DAB2IP: variants seen among roughly 807,000 people sequenced by gnomAD.
DAB2IP encodes DAB2 interacting protein, also known as disabled homolog 2-interacting protein.
Under a neutral mutation model 107.2 loss-of-function variants are expected in DAB2IP, and 28 were observed. The ratio of observed to expected loss-of-function variants is 0.26; its 90% CI spans 0.19 to 0.36. The LOEUF (loss-of-function observed/expected upper bound fraction) is 0.36, where lower values mean the gene tolerates loss of function less well. DAB2IP is among the 10% of genes least tolerant of loss of function. DAB2IP has a pLI of 1.00. For missense variants in DAB2IP, 1,400 were observed against 1,644.7 expected, an observed-to-expected ratio of 0.85 and a Z score of 2.57; for synonymous variants, 755 against 706.4, an observed-to-expected ratio of 1.07 and a Z score of -1.09.
chr9:121,584,316 T>G (rs1564683492), intron 1 of DAB2IP, among the ~76,000 whole-genome samples: 4 of 152,078 alleles, frequency 2.6e-5, no homozygotes, highest in Non-Finnish European at 5.9e-5. Flanking sequence ...CGGTTCTGGA[T>G]CACTTGAGCC....
chr9:121,592,446 A>G (rs1316377873), intron 1 of DAB2IP, among the ~76,000 whole-genome samples: 1 of 152,202 alleles, frequency 6.6e-6, no homozygotes, highest in African/African-American at 2.4e-5. Context: ...TGCATGGGAC[A>G]AAGTGCCCCA....
At chr9:121,624,106 G>A (rs550319003) in intron 1 of DAB2IP, among the ~76,000 whole-genome samples, 1 of 152,300 alleles carries the variant, frequency 6.6e-6, no homozygotes, top group Admixed American at 6.5e-5. Context: ...CTCTCCTAGT[G>A]CCACCATCTC....
intron 3 of DAB2IP, among the ~76,000 whole-genome samples, chr9:121,722,043 C>T (rs930709232): frequency 3.3e-5 from 5 of 152,190 alleles, no homozygotes; most frequent in East Asian, 1.9e-4. Flanking sequence ...TACCCAACAC[C>T]GTCACATAAA....
intron 1 of DAB2IP, among the ~76,000 whole-genome samples, chr9:121,627,141 T>A (rs10818573): frequency 0.025 from 3,164 of 126,718 alleles, 42 homozygotes; most frequent in East Asian, 0.034. Flanking sequence ...ACACACACAC[T>A]CACACACACA....
intron 1 of DAB2IP, among the ~76,000 whole-genome samples, chr9:121,593,463 G>A (rs927157024): frequency 1.3e-5 from 2 of 151,858 alleles, no homozygotes; most frequent in African/African-American, 4.8e-5. Context: ...GTAGAGATGG[G>A]GTCTTGCCAT....
chr9:121,602,052 C>T (rs183126162), intron 1 of DAB2IP, among the ~76,000 whole-genome samples: 1 of 152,148 alleles, frequency 6.6e-6, no homozygotes, highest in African/African-American at 2.4e-5. Flanking sequence ...CCACTCCCCC[C>T]CAACCCAGGC....
chr9:121,655,115 G>C (rs550262536), intron 1 of DAB2IP, among the ~76,000 whole-genome samples: 9 of 150,438 alleles, frequency 6.0e-5, no homozygotes, highest in Non-Finnish European at 1.3e-4. Context: ...CTGCTGTGGT[G>C]GGGGGTAGAG....
chr9:121,741,132 C>T (rs75129075), intron 3 of DAB2IP, among the ~76,000 whole-genome samples: 2 of 152,184 alleles, frequency 1.3e-5, no homozygotes, highest in East Asian at 3.9e-4. Flanking sequence ...CTCGACACCC[C>T]CTCCTCTCCC....
rs1231232403 is a variant in DAB2IP, at chr9:121,783,578, A to G, written c.*1080A>G. ...AGCCCGCTTGCTCGCTTGCTGGAAC[A>G]CAGGGGCCTTTTAAGTTGAGCGTGC... On this transcript the variant is annotated 3_prime_UTR_variant, in exon 16 of 16. Transcript: ENST00000408936. 1.9e-6 allele frequency: 3 copies of G among 1,613,552 alleles called. No homozygotes were observed. The Admixed American group carries it at 5.0e-5, about 27-fold the overall frequency.
At chr9:121,579,850 A>G (rs1830151017) in intron 1 of DAB2IP, among the ~76,000 whole-genome samples, 1 of 152,186 alleles carries the variant, frequency 6.6e-6, no homozygotes, top group Non-Finnish European at 1.5e-5. Flanking sequence ...CCTCCAATCA[A>G]TGCCACACAC....
chr9:121,773,111 C>T, exon 12 of DAB2IP: 2 of 1,612,424 alleles, frequency 1.2e-6, no homozygotes, highest in Non-Finnish European at 8.5e-7. Flanking sequence ...GCTCACACAG[C>T]AACAGCGAGG....
chr9:121,639,710 A>T (rs1832213103), intron 1 of DAB2IP, among the ~76,000 whole-genome samples: 1 of 152,112 alleles, frequency 6.6e-6, no homozygotes, highest in Non-Finnish European at 1.5e-5. Context: ...CCTGCAGCAC[A>T]TGGGGTGCTG....
At chr9:121,700,534 G>A (rs746143944) in intron 3 of DAB2IP, among the ~76,000 whole-genome samples, 27 of 152,292 alleles carry the variant, frequency 1.8e-4, no homozygotes, top group Non-Finnish European at 2.8e-4. Context: ...ATCTGCCTTC[G>A]TAGGGCTGTG....
intron 1 of DAB2IP, among the ~76,000 whole-genome samples, chr9:121,618,790 T>C (rs1357036587): frequency 7.9e-5 from 12 of 152,218 alleles, no homozygotes; most frequent in Non-Finnish European, 1.6e-4. Context: ...AAACCACCTC[T>C]TGGCTCAGCA....
chr9:121,740,797 T>C (rs1832281477), intron 3 of DAB2IP, among the ~76,000 whole-genome samples: 1 of 152,242 alleles, frequency 6.6e-6, no homozygotes, highest in Non-Finnish European at 1.5e-5. Context: ...TAAATGCTTT[T>C]CCTGGTTAAC....
chr9:121,755,376 G>A (rs541352766), intron 3 of DAB2IP, among the ~76,000 whole-genome samples: 2 of 152,378 alleles, frequency 1.3e-5, no homozygotes, highest in South Asian at 4.1e-4. Context: ...AGCCCCAGGT[G>A]GGAGTCCTTG....
At chr9:121,719,531 C>T (rs1023534304) in intron 3 of DAB2IP, among the ~76,000 whole-genome samples, 1 of 152,024 alleles carries the variant, frequency 6.6e-6, no homozygotes, top group Non-Finnish European at 1.5e-5. Context: ...CCTGGAGCAT[C>T]GGGAGAGTGA....
intron 1 of DAB2IP, among the ~76,000 whole-genome samples, chr9:121,642,851 T>A (rs1832409578): frequency 6.6e-6 from 1 of 152,100 alleles, no homozygotes; most frequent in South Asian, 2.1e-4. Flanking sequence ...GGCAATGGGA[T>A]ATCATGGAGA....
At chr9:121,594,600 G>T (rs1435600973) in intron 1 of DAB2IP, among the ~76,000 whole-genome samples, 6 of 152,148 alleles carry the variant, frequency 3.9e-5, no homozygotes, top group African/African-American at 1.4e-4. Flanking sequence ...CAGGTGGTGG[G>T]GTTGCTTTTT....
Sources: gnomAD v4.1 joint callset for allele counts (sites outside exome capture counted in the v4.1 genomes callset) on GRCh38, gnomAD v4.1.1 for gene constraint, MANE v1.5 for transcripts, NCBI Gene and HGNC (gene_info 2026-07-23, HGNC 2026-07-21) for gene names.